Variants in ANK2 observed in about 807,000 individuals in gnomAD.
ANK2 encodes the protein ankyrin-2.
A neutral mutation model predicts 360.5 loss-of-function variants in ANK2; 83 were observed. The ratio of observed to expected loss-of-function variants is 0.23; its 90% confidence interval spans 0.19 to 0.28. The LOEUF is 0.28. Among genes scored for constraint, ANK2 ranks in the 10% least tolerant of loss-of-function variants. The pLI, the probability that ANK2 is intolerant of heterozygous loss-of-function variation, is 1.00. For missense variants in ANK2, 4,201 were observed against 4,795.7 expected (o/e 0.88, Z 3.66); for synonymous variants, 1,740 against 1,759.5 (o/e 0.99, Z 0.28).
intron 2 of ANK2, among the ~76,000 whole-genome samples, chr4:112,957,484 C>T (rs1240379266): frequency 2.0e-5 from 3 of 152,234 alleles, no homozygotes; most frequent in Admixed American, 6.5e-5. Flanking sequence ...TTCTATTCCA[C>T]AAAACCACCA....
chr4:112,841,148 C>G (rs1387127124), intron 1 of ANK2, among the ~76,000 whole-genome samples: 1 of 123,882 alleles, frequency 8.1e-6, no homozygotes, highest in Non-Finnish European at 1.6e-5. Flanking sequence ...AGCCCCTTTA[C>G]AGCAGATCTG....
intron 2 of ANK2, among the ~76,000 whole-genome samples, chr4:112,958,918 G>A (rs1449127687): frequency 6.6e-6 from 1 of 151,490 alleles, no homozygotes; most frequent in African/African-American, 2.4e-5. Flanking sequence ...GCATGATCTT[G>A]GCTCACTGCA....
chr4:113,002,552 G>A lies in ANK2; in HGVS notation c.21+98038G>A, dbSNP rs370255119. On this transcript the variant is annotated intron_variant, in intron 2 of 30. Transcript: ENST00000503271. ...ACAGGAAGGGGGACATCACACTCTG[G>A]GGACTGTTGTGGGGTGGGGGGAGAG... Among the ~76,000 whole-genome samples the A allele has an allele frequency of 1.2e-3, 178 of 152,102 alleles. 2 individuals carry two copies. Among genetic ancestry groups the A allele is most frequent in the African/African-American group, 4.1e-3 (169 of 41,476 alleles).
chr4:112,800,542 G>A, the ANK2 span, among the ~76,000 whole-genome samples: 12 of 152,226 alleles, frequency 7.9e-5, no homozygotes, highest in East Asian at 1.5e-3. Context: ...TTCTCTCTGC[G>A]TCTAGAATGG....
intron 18 of ANK2, among the ~76,000 whole-genome samples, chr4:113,283,941 G>A (rs1055022989): frequency 2.6e-5 from 4 of 152,186 alleles, no homozygotes; most frequent in African/African-American, 9.7e-5. Flanking sequence ...GCATCCTTCA[G>A]GAAGAGCTAT....
In ANK2 at chr4:113,354,797, G is replaced by A. The variant is rs1008736554; in HGVS notation, c.6179G>A (p.Gly2060Asp). The change falls in exon 38 of 46, where the codon GGC becomes GAC. Residue 2060 changes from glycine to aspartate, a missense_variant. Around this residue, in one of 4 missense-constraint regions of ANK2, gnomAD observed 2,642 missense variants for 2,714.5 expected, o/e 0.97. Transcript: ENST00000357077. ...CGAGGCCAGAGACTCCCGGTAACGG[G>A]CACAGCAGAATCCAAAAGAGGAGTT... Reference protein sequence around the residue: ...IKRGQRLPVTGTAESKRGVRV... With the variant: ...IKRGQRLPVTDTAESKRGVRV... 2 of 1,614,036 alleles carry A rather than the reference G, an allele frequency of 1.2e-6. No individual in the cohort carries two copies. Among genetic ancestry groups the A allele is most frequent in the Non-Finnish European group, 1.7e-6 (2 of 1,180,020 alleles).
Position 112,928,044 on chromosome 4 carries a change from A to G in ANK2, c.21+23530A>G, listed in dbSNP as rs1037359726. ...ATAGGTTCATTCTATTTTAAAAAAT[A>G]AAAAAGAAGTACACTTTTGGAATAT... is the stretch of plus-strand genomic sequence containing the variant. On this transcript the variant is annotated intron_variant, in intron 2 of 30. Coordinates refer to the ANK2 transcript ENST00000503271. Among the ~76,000 whole-genome samples the G allele has an allele frequency of 2.6e-5, 4 of 152,222 alleles. 1 individual carries two copies. Among genetic ancestry groups the G allele is most frequent in the South Asian group, 4.1e-4 (2 of 4,832 alleles).
intron 1 of ANK2, among the ~76,000 whole-genome samples, chr4:112,868,001 C>A (rs2071361711): frequency 1.3e-5 from 2 of 152,128 alleles, no homozygotes; most frequent in African/African-American, 4.8e-5. Flanking sequence ...AGAGGCTATA[C>A]CATTTTACAT....
chr4:113,289,850 C>T (rs1242542751), intron 20 of ANK2, among the ~76,000 whole-genome samples: 1 of 152,068 alleles, frequency 6.6e-6, no homozygotes, highest in Non-Finnish European at 1.5e-5. Context: ...TATTTAAAGC[C>T]TCTAATATGA....
intron 1 of ANK2, among the ~76,000 whole-genome samples, chr4:112,831,666 G>A (rs79059797): frequency 0.023 from 3,554 of 152,210 alleles, 122 homozygotes; most frequent in African/African-American, 0.079. Flanking sequence ...AGCACTCCTC[G>A]GGTCCTCTTT....
At chr4:113,013,998 G>A (rs913295302) in intron 2 of ANK2, among the ~76,000 whole-genome samples, 2 of 152,052 alleles carry the variant, frequency 1.3e-5, no homozygotes, top group South Asian at 2.1e-4. Context: ...TGTGGAATTT[G>A]ATTCAATTTA....
intron 1 of ANK2, among the ~76,000 whole-genome samples, chr4:113,065,805 G>C (rs1040413517): frequency 1.3e-5 from 2 of 152,158 alleles, no homozygotes; most frequent in African/African-American, 4.8e-5. Context: ...TATCTACAAC[G>C]TTATTACACA....
the ANK2 span, among the ~76,000 whole-genome samples, chr4:112,729,137 G>A: frequency 2.0e-5 from 3 of 152,094 alleles, no homozygotes; most frequent in Non-Finnish European, 4.4e-5. Context: ...TGCCAAGGCC[G>A]CAGTGAGGCA....
At chr4:112,822,410 T>TAA in intron 1 of ANK2, among the ~76,000 whole-genome samples, 1 of 126,192 alleles carries the variant, frequency 7.9e-6, no homozygotes, top group Non-Finnish European at 1.6e-5. Context: ...AGAGCGAGAT[T>TAA]CCGTCTCAAA....
chr4:112,919,339 T>G (rs1451915771), intron 2 of ANK2, among the ~76,000 whole-genome samples: 1 of 152,164 alleles, frequency 6.6e-6, no homozygotes, highest in Non-Finnish European at 1.5e-5. Flanking sequence ...TTATAAATGT[T>G]AACTATTTTT....
Position 113,070,288 on chromosome 4 carries a change from T to G in ANK2, c.84+20476T>G, listed in dbSNP as rs374334206. 108 of 152,230 alleles carry G rather than the reference T, an allele frequency of 7.1e-4. 1 individual carries two copies. Among genetic ancestry groups the G allele is most frequent in the African/African-American group, 2.4e-3 (99 of 41,532 alleles). The allele number at this position is 152,230 out of a possible 1,614,324, so 9.4% of individuals were successfully genotyped here. ...GATCAGCTTTTTATTTTTTTATTTT[T>G]TGTACTCTACTGAGATCTATTCCTA... On this transcript the variant is annotated intron_variant, in intron 1 of 45. Coordinates refer to ENST00000357077, the MANE Select transcript of ANK2 (RefSeq NM_001148.6).
intron 2 of ANK2, among the ~76,000 whole-genome samples, chr4:113,193,769 T>G (rs2098707736): frequency 1.3e-5 from 2 of 152,182 alleles, no homozygotes; most frequent in Non-Finnish European, 2.9e-5. Flanking sequence ...TCACAATTAC[T>G]GCCTTTGGAT....
the ANK2 span, among the ~76,000 whole-genome samples, chr4:112,721,411 A>G: frequency 1.3e-5 from 2 of 152,018 alleles, no homozygotes; most frequent in Non-Finnish European, 2.9e-5. Flanking sequence ...ATGTGGTGGC[A>G]TATGCCTGTA....
At chr4:112,833,640 A>G (rs1349673570) in intron 1 of ANK2, among the ~76,000 whole-genome samples, 3 of 152,020 alleles carry the variant, frequency 2.0e-5, no homozygotes, top group African/African-American at 7.3e-5. Context: ...AGTACCTGGG[A>G]CCACAGGCGC....
Sources: gnomAD v4.1 joint callset for allele counts (sites outside exome capture counted in the v4.1 genomes callset) on GRCh38, gnomAD v4.1.1 for gene constraint, gnomAD v4.1.1 regional missense constraint, MANE v1.5 for transcripts, NCBI Gene and HGNC (gene_info 2026-07-23, HGNC 2026-07-21) for gene names.